The following CFAP299 variants were observed in gnomAD, a reference collection of about 807,000 sequenced individuals.
The protein encoded by CFAP299 is cilia- and flagella-associated protein 299.
A neutral mutation model predicts 27.0 loss-of-function variants in CFAP299; 21 were observed. That is an observed-to-expected ratio of 0.78 (90% CI 0.55 to 1.12). The LOEUF (loss-of-function observed/expected upper bound fraction) is 1.12. CFAP299 is among the 50% of genes most tolerant of loss of function. The pLI, the probability that CFAP299 is intolerant of heterozygous loss-of-function variation, is 0.00. For synonymous variants in CFAP299, 104 were observed against 98.1 expected (o/e 1.06, Z -0.36); for missense variants, 310 against 276.6 (o/e 1.12, Z -0.86).
At chr4:80,698,246 C>T (rs2110024293) in intron 3 of CFAP299, among the ~76,000 whole-genome samples, 1 of 152,258 alleles carries the variant, frequency 6.6e-6, no homozygotes, top group East Asian at 1.9e-4. Context: ...AACAGAGTTC[C>T]TGTCCCATGG....
chr4:80,921,053 A>G (rs1358570993), intron 4 of CFAP299, among the ~76,000 whole-genome samples: 1 of 152,062 alleles, frequency 6.6e-6, no homozygotes, highest in African/African-American at 2.4e-5. Flanking sequence ...TTTCCCACAC[A>G]TTAATTGCCA....
chr4:80,710,856 A>T (rs1722121265), intron 3 of CFAP299, among the ~76,000 whole-genome samples: 1 of 152,082 alleles, frequency 6.6e-6, no homozygotes, highest in Admixed American at 6.6e-5. Flanking sequence ...TGTACCTGGG[A>T]CTTCACAAAC....
intron 2 of CFAP299, among the ~76,000 whole-genome samples, chr4:80,371,784 A>G (rs1469874585): frequency 2.6e-5 from 4 of 152,152 alleles, no homozygotes; most frequent in African/African-American, 7.2e-5. Flanking sequence ...TCATATCACT[A>G]TCAGCATTTT....
At chr4:80,643,058 A>G (rs1739812665) in intron 3 of CFAP299, among the ~76,000 whole-genome samples, 1 of 152,062 alleles carries the variant, frequency 6.6e-6, no homozygotes, top group Non-Finnish European at 1.5e-5. Flanking sequence ...GCACTTTGGG[A>G]GGCCGAGAAA....
At chr4:80,643,567 C>A (rs1160362448) in intron 3 of CFAP299, among the ~76,000 whole-genome samples, 1 of 152,088 alleles carries the variant, frequency 6.6e-6, no homozygotes, top group Non-Finnish European at 1.5e-5. Context: ...AGAGTAATAT[C>A]TTTGAGTAGG....
At chr4:80,521,616 T>C (rs1732916809) in intron 2 of CFAP299, among the ~76,000 whole-genome samples, 1 of 152,026 alleles carries the variant, frequency 6.6e-6, no homozygotes, top group African/African-American at 2.4e-5. Flanking sequence ...AGCTCACCAC[T>C]TCCCCTTTCC....
intron 1 of CFAP299, among the ~76,000 whole-genome samples, chr4:80,357,677 G>A (rs1723340399): frequency 6.6e-6 from 1 of 152,010 alleles, no homozygotes; most frequent in South Asian, 2.1e-4. Flanking sequence ...GGGGTTGGTG[G>A]TTTTATCCCC....
intron 4 of CFAP299, among the ~76,000 whole-genome samples, chr4:80,894,145 G>A (rs941927498): frequency 6.6e-6 from 1 of 151,778 alleles, no homozygotes; most frequent in Non-Finnish European, 1.5e-5. Context: ...TGAAAAATAT[G>A]AAAATCAAAA....
rs573533892 is a variant in CFAP299, at chr4:80,820,751, G to A, written c.334-49242G>A. 1.4e-4 allele frequency among the ~76,000 whole-genome samples: 22 copies of A among 152,210 alleles called. No individual in the cohort carries two copies. In the South Asian group the frequency reaches 3.5e-3, roughly 24 times the overall value. ...ATTCTCTTTGCGTCCGCATTTCCTC[G>A]CCTGCCATATTGCCCAGCACACATT... is the stretch of plus-strand genomic sequence containing the variant. On this transcript the variant is annotated intron_variant, in intron 3 of 5. Coordinates refer to ENST00000358105, the MANE Select transcript of CFAP299 (RefSeq NM_152770.3).
chr4:80,873,595 G>A (rs1314219791), intron 4 of CFAP299, among the ~76,000 whole-genome samples: 5 of 152,170 alleles, frequency 3.3e-5, no homozygotes, highest in Non-Finnish European at 7.4e-5. Context: ...AAGATAAAGA[G>A]TAAACCACTT....
chr4:80,495,687 C>T (rs1252047476), intron 2 of CFAP299, among the ~76,000 whole-genome samples: 1 of 152,108 alleles, frequency 6.6e-6, no homozygotes. Flanking sequence ...TCTCACATTG[C>T]TATAAAGAAA....
chr4:80,912,019 A>G (rs1735497556), intron 4 of CFAP299, among the ~76,000 whole-genome samples: 2 of 152,086 alleles, frequency 1.3e-5, no homozygotes, highest in Non-Finnish European at 2.9e-5. Context: ...CTAAATCACT[A>G]TTATTTAATA....
At chr4:80,587,722 G>A (rs1162222705) in intron 3 of CFAP299, among the ~76,000 whole-genome samples, 1 of 152,008 alleles carries the variant, frequency 6.6e-6, no homozygotes, top group African/African-American at 2.4e-5. Context: ...CTCCTGAAAA[G>A]CTGAAACTAC....
chr4:80,454,899 G>A (rs964245407), intron 2 of CFAP299, among the ~76,000 whole-genome samples: 19 of 152,080 alleles, frequency 1.2e-4, no homozygotes, highest in Admixed American at 1.0e-3. Context: ...TGACTGGTCC[G>A]GTTGGAGATG....
At chr4:80,458,643 A>G (rs1729287436) in intron 2 of CFAP299, among the ~76,000 whole-genome samples, 2 of 152,286 alleles carry the variant, frequency 1.3e-5, no homozygotes, top group South Asian at 4.1e-4. Flanking sequence ...AGACTTCTGC[A>G]TGGAAAGTCC....
intron 4 of CFAP299, among the ~76,000 whole-genome samples, chr4:80,913,043 A>G (rs1208572775): frequency 2.0e-5 from 3 of 152,344 alleles, no homozygotes; most frequent in South Asian, 2.1e-4. Context: ...CACTGTAAGA[A>G]TAATGAGAAA....
intron 3 of CFAP299, among the ~76,000 whole-genome samples, chr4:80,630,394 C>T (rs1028180963): frequency 5.3e-5 from 8 of 152,040 alleles, no homozygotes; most frequent in African/African-American, 9.6e-5. Context: ...TGTCTTAAAA[C>T]GAAAATTCAC....
chr4:80,872,295 T>C (rs1733139064), intron 4 of CFAP299: 1 of 152,122 alleles, frequency 6.6e-6, no homozygotes, highest in Non-Finnish European at 1.5e-5. Flanking sequence ...TTCCATAAAA[T>C]TTCACCCAAT....
intron 4 of CFAP299, among the ~76,000 whole-genome samples, chr4:80,920,719 A>G (rs185034682): frequency 2.0e-5 from 3 of 152,256 alleles, no homozygotes; most frequent in Admixed American, 2.0e-4. Flanking sequence ...ACTTCCTGCA[A>G]CTGGAAGGGG....
Sources: gnomAD v4.1 joint callset for allele counts (sites outside exome capture counted in the v4.1 genomes callset) on GRCh38, gnomAD v4.1.1 for gene constraint, MANE v1.5 for transcripts, NCBI Gene and HGNC (gene_info 2026-07-23, HGNC 2026-07-21) for gene names.